The following ANK2 variants were observed in gnomAD, a reference collection of about 807,000 sequenced individuals.
ANK2 encodes the protein ankyrin 2.
A neutral mutation model predicts 360.5 loss-of-function variants in ANK2; 83 were observed. The observed-to-expected ratio is 0.23, with a 90% CI of 0.19 to 0.28. The LOEUF (loss-of-function observed/expected upper bound fraction) is 0.28, where lower values mean the gene tolerates loss of function less well. Among genes scored for constraint, ANK2 ranks in the 10% least tolerant of loss-of-function variants. The probability of loss-of-function intolerance (pLI) is 1.00; values close to 1 mark genes in which losing one functional copy is unlikely to be tolerated. For missense variants in ANK2, 4,201 were observed against 4,795.7 expected (o/e 0.88, Z 3.66); for synonymous variants, 1,740 against 1,759.5 (o/e 0.99, Z 0.28).
chr4:113,014,377 G>A (rs1267672660), intron 2 of ANK2, among the ~76,000 whole-genome samples: 1 of 152,058 alleles, frequency 6.6e-6, no homozygotes, highest in East Asian at 1.9e-4. Context: ...TATGACTTGC[G>A]ATAACCCTAG....
chr4:113,336,490 A>T (rs1487719658), intron 30 of ANK2, 87 bp from the exon 31 acceptor site: 2 of 1,265,962 alleles, frequency 1.6e-6, no homozygotes, highest in Non-Finnish European at 2.2e-6. Flanking sequence ...TACTTTGGGG[A>T]AGAAATTTGA....
At chr4:112,867,390 TTTG>T (rs1234249065) in intron 1 of ANK2, among the ~76,000 whole-genome samples, 3 of 151,646 alleles carry the variant, frequency 2.0e-5, no homozygotes, top group African/African-American at 7.3e-5. Context: ...TTGTATAGGT[TTTG>T]TTTTTTTTAA....
intron 37 of ANK2, chr4:113,350,627 T>C (rs748776379): frequency 7.6e-5 from 17 of 224,944 alleles, no homozygotes; most frequent in Non-Finnish European, 1.3e-4. Context: ...TTTTATGTAA[T>C]GCAATAGTGA....
chr4:112,810,147 ATATATATATATATTTTTTTTTTT>A, the ANK2 span, among the ~76,000 whole-genome samples: 10 of 61,134 alleles, frequency 1.6e-4, no homozygotes, highest in African/African-American at 9.9e-4. Context: ...ATATATATAT[ATATATATATATATTTTTTTTTTT>A]TTTTTTTTTT....
chr4:113,172,280 A>C (rs537027906), intron 1 of ANK2, among the ~76,000 whole-genome samples: 14 of 152,206 alleles, frequency 9.2e-5, no homozygotes, highest in Non-Finnish European at 1.9e-4. Flanking sequence ...GACCAAAGGC[A>C]TAACTGGGGT....
At chr4:112,898,348 C>T (rs1236738689) in intron 1 of ANK2, among the ~76,000 whole-genome samples, 1 of 152,112 alleles carries the variant, frequency 6.6e-6, no homozygotes, top group East Asian at 1.9e-4. Flanking sequence ...GCTGTAACAG[C>T]TTCATGGGCT....
chr4:112,756,453 C>G, the ANK2 span, among the ~76,000 whole-genome samples: 1 of 152,062 alleles, frequency 6.6e-6, no homozygotes, highest in Non-Finnish European at 1.5e-5. Context: ...GCTTTATAAC[C>G]CAAAATGGCA....
chr4:113,154,253 C>A (rs1324368712), intron 1 of ANK2, among the ~76,000 whole-genome samples: 1 of 152,166 alleles, frequency 6.6e-6, no homozygotes, highest in Non-Finnish European at 1.5e-5. Flanking sequence ...CTTCCAAAAA[C>A]TAATAATTAC....
At chr4:112,907,309 G>C (rs1405843238) in intron 2 of ANK2, among the ~76,000 whole-genome samples, 3 of 152,212 alleles carry the variant, frequency 2.0e-5, no homozygotes, top group Non-Finnish European at 4.4e-5. Flanking sequence ...ACTTTTAGGA[G>C]TGTTTACTTG....
At chr4:112,785,099 C>T in the ANK2 span, among the ~76,000 whole-genome samples, 2 of 152,136 alleles carry the variant, frequency 1.3e-5, no homozygotes, top group South Asian at 4.1e-4. Context: ...GAAACAGCTG[C>T]TTGCTGTAGA....
intron 2 of ANK2, among the ~76,000 whole-genome samples, chr4:113,036,280 A>C (rs1579631404): frequency 6.6e-6 from 1 of 151,804 alleles, no homozygotes; most frequent in African/African-American, 2.4e-5. Context: ...AAAATTATCT[A>C]GGAGTTTAGA....
chr4:112,892,208 A>G (rs1360739748), intron 1 of ANK2, among the ~76,000 whole-genome samples: 1 of 152,178 alleles, frequency 6.6e-6, no homozygotes, highest in East Asian at 1.9e-4. Context: ...TGGAAATGGA[A>G]GAGGCCATTA....
the ANK2 span, among the ~76,000 whole-genome samples, chr4:112,764,729 C>CG: frequency 7.7e-6 from 1 of 130,122 alleles, no homozygotes; most frequent in Non-Finnish European, 1.6e-5. Flanking sequence ...TTTTTTGAGA[C>CG]GGAGTTTCAT....
chr4:113,024,957 A>G (rs1212214203), intron 2 of ANK2, among the ~76,000 whole-genome samples: 2 of 152,100 alleles, frequency 1.3e-5, no homozygotes, highest in Non-Finnish European at 2.9e-5. Flanking sequence ...TTAATATAAT[A>G]TTTCATGGTA....
At chr4:113,106,041 A>G (rs1420001587) in intron 1 of ANK2, among the ~76,000 whole-genome samples, 1 of 152,196 alleles carries the variant, frequency 6.6e-6, no homozygotes, top group African/African-American at 2.4e-5. Flanking sequence ...AAAAAATTAT[A>G]TAGTATTTAA....
chr4:112,953,143 G>A (rs1243205096), intron 2 of ANK2, among the ~76,000 whole-genome samples: 1 of 152,266 alleles, frequency 6.6e-6, no homozygotes, highest in African/African-American at 2.4e-5. Context: ...GGGACACTGG[G>A]GTTCAAAGCC....
At chr4:112,881,741 T>G in intron 1 of ANK2, 5 of 615,000 alleles carry the variant, frequency 8.1e-6, no homozygotes, top group Non-Finnish European at 1.5e-5. Context: ...CAGTCAGTGA[T>G]GATTTCCATC....
chr4:113,156,837 CAGT>C (rs1464695520), intron 1 of ANK2, among the ~76,000 whole-genome samples: 3 of 150,384 alleles, frequency 2.0e-5, no homozygotes, highest in Non-Finnish European at 4.4e-5. Context: ...CACACTTTCA[CAGT>C]AGAACATGAA....
the ANK2 span, among the ~76,000 whole-genome samples, chr4:112,768,627 A>G: frequency 1.3e-5 from 2 of 152,080 alleles, no homozygotes; most frequent in Non-Finnish European, 2.9e-5. Context: ...TACTCTTTAA[A>G]TGGTGTTTCC....
Sources: gnomAD v4.1 joint callset for allele counts (sites outside exome capture counted in the v4.1 genomes callset) on GRCh38, gnomAD v4.1.1 for gene constraint, MANE v1.5 for transcripts, NCBI Gene and HGNC (gene_info 2026-07-23, HGNC 2026-07-21) for gene names.